The following VAV3 variants were observed in gnomAD, a reference collection of about 807,000 sequenced individuals.
VAV3 encodes vav guanine nucleotide exchange factor 3.
A neutral mutation model predicts 131.2 loss-of-function variants in VAV3; 94 were observed. That is an observed-to-expected ratio of 0.72 (90% CI 0.61 to 0.85). The LOEUF is 0.85. Among genes scored for constraint, VAV3 ranks in the 40% least tolerant of loss-of-function variants. VAV3 has a pLI of 0.00. For missense variants in VAV3, 939 were observed against 1,002.7 expected (o/e 0.94, Z 0.86); for synonymous variants, 349 against 342.0 (o/e 1.02, Z -0.22).
intron 15 of VAV3, among the ~76,000 whole-genome samples, chr1:107,737,119 T>C (rs1001806548): frequency 5.3e-5 from 8 of 152,182 alleles, no homozygotes; most frequent in Admixed American, 2.0e-4. Flanking sequence ...ATTCCCTATT[T>C]AATAAATGGT....
intron 1 of VAV3, among the ~76,000 whole-genome samples, chr1:107,946,325 G>A (rs1429256221): frequency 2.0e-5 from 3 of 152,172 alleles, no homozygotes; most frequent in Admixed American, 6.5e-5. Flanking sequence ...CCATTTTACA[G>A]ATGAGAAAAT....
chr1:107,629,824 CAAAG>C (rs1654317495), intron 20 of VAV3, among the ~76,000 whole-genome samples: 1 of 152,028 alleles, frequency 6.6e-6, no homozygotes, highest in African/African-American at 2.4e-5. Context: ...AATAGCTATT[CAAAG>C]AAAGAAAGTT....
chr1:107,685,058 A>C (rs1488674316), intron 18 of VAV3, among the ~76,000 whole-genome samples: 1 of 152,120 alleles, frequency 6.6e-6, no homozygotes, highest in Non-Finnish European at 1.5e-5. Context: ...TCAAAGTACT[A>C]GGAAGGCAAA....
intron 1 of VAV3, among the ~76,000 whole-genome samples, chr1:107,892,129 T>C (rs1243663633): frequency 6.6e-6 from 1 of 152,192 alleles, no homozygotes; most frequent in Non-Finnish European, 1.5e-5. Flanking sequence ...ATGTGATTAA[T>C]ATGTCATAAT....
At chr1:107,653,164 T>G (rs1227163464) in intron 19 of VAV3, among the ~76,000 whole-genome samples, 1 of 151,780 alleles carries the variant, frequency 6.6e-6, no homozygotes, top group African/African-American at 2.4e-5. Context: ...GAAGAGCATG[T>G]GCAATTGGTA....
intron 8 of VAV3, among the ~76,000 whole-genome samples, chr1:107,765,527 C>T (rs1664688795): frequency 6.6e-6 from 1 of 152,146 alleles, no homozygotes; most frequent in African/African-American, 2.4e-5. Flanking sequence ...AAGAGATAAA[C>T]TTTGTCTCTA....
chr1:107,931,544 A>C (rs1295925703), intron 1 of VAV3, among the ~76,000 whole-genome samples: 3 of 152,232 alleles, frequency 2.0e-5, no homozygotes, highest in Admixed American at 2.0e-4. Context: ...GTATGTTTAA[A>C]ATTTTCCAAC....
At chr1:107,952,116 T>C (rs924928175) in intron 1 of VAV3, among the ~76,000 whole-genome samples, 4 of 152,162 alleles carry the variant, frequency 2.6e-5, no homozygotes, top group Non-Finnish European at 5.9e-5. Context: ...GTGGTACATA[T>C]ACACTGTGGA....
At chr1:107,753,513 CATATATATATATACGTATATAT>C (rs1377482136) in intron 12 of VAV3, among the ~76,000 whole-genome samples, 1 of 80,626 alleles carries the variant, frequency 1.2e-5, no homozygotes, top group Admixed American at 1.2e-4. Context: ...TATATACACA[CATATATATATATACGTATATAT>C]ATATATATAT....
chr1:107,607,414 C>T lies in VAV3; in HGVS notation c.2015+2517G>A, dbSNP rs961344085. Among the ~76,000 whole-genome samples the T allele has an allele frequency of 5.3e-5, 8 of 152,276 alleles. No individual in the cohort carries two copies. The East Asian group carries it at 7.7e-4, about 15-fold the overall frequency. On this transcript the variant is annotated intron_variant, in intron 22 of 26. Coordinates refer to ENST00000370056, the MANE Select transcript of VAV3 (RefSeq NM_006113.5). Reference sequence around the variant, plus strand: ...ATGTGTATATGGGACCCAGCTGTCACAGTGCTGAAACTGAGCTACACAAGA... The same window carrying T: ...ATGTGTATATGGGACCCAGCTGTCATAGTGCTGAAACTGAGCTACACAAGA...
At chr1:107,730,101 T>C (rs1662128517) in intron 15 of VAV3, among the ~76,000 whole-genome samples, 1 of 152,200 alleles carries the variant, frequency 6.6e-6, no homozygotes, top group African/African-American at 2.4e-5. Context: ...TAGAAGAAAG[T>C]CTACTATTTT....
At chr1:107,778,114 A>C (rs564367424) in intron 3 of VAV3, among the ~76,000 whole-genome samples, 20 of 152,318 alleles carry the variant, frequency 1.3e-4, no homozygotes, top group African/African-American at 4.8e-4. Flanking sequence ...GTTTCATAAA[A>C]ACCAGAGGAT....
At position 107,772,793 on chromosome 1, in the gene VAV3, T is replaced by G. The variant is rs1665122399; in HGVS notation, c.497A>C (p.Glu166Ala). 1.9e-6 allele frequency: 3 copies of G among 1,613,844 alleles called. No homozygotes were observed. The highest frequency in any genetic ancestry group is 2.5e-6 in the Non-Finnish European group (3 of 1,179,888). The part of the protein sequence containing the change: ...EEDLYDCVYG[E>A]DEGGEVYEDL... Reference sequence around the variant, plus strand: ...CTCATAGACTTCTCCACCTTCATCTTCCCCATAAACACAGTCATAGAGATC... The same window carrying G: ...CTCATAGACTTCTCCACCTTCATCTGCCCCATAAACACAGTCATAGAGATC... The change falls in exon 5 of 27, where the codon GAA (glutamate) becomes GCA (alanine). Residue 166 changes from glutamate to alanine, a missense_variant. Transcript: ENST00000370056.
At chr1:107,809,715 T>C (rs1304442230) in intron 2 of VAV3, among the ~76,000 whole-genome samples, 1 of 152,212 alleles carries the variant, frequency 6.6e-6, no homozygotes, top group African/African-American at 2.4e-5. Context: ...CAAATTACAA[T>C]GCATTTTTGT....
chr1:107,655,308 T>C (rs956891633), intron 19 of VAV3, among the ~76,000 whole-genome samples: 1 of 152,008 alleles, frequency 6.6e-6, no homozygotes, highest in Non-Finnish European at 1.5e-5. Flanking sequence ...GAAACTCAGA[T>C]ATAAATCCAT....
intron 19 of VAV3, among the ~76,000 whole-genome samples, chr1:107,656,917 A>G (rs1656605631): frequency 7.6e-6 from 1 of 131,478 alleles, no homozygotes; most frequent in African/African-American, 2.9e-5. Flanking sequence ...ACATTTACAC[A>G]TTTCCCATTT....
At chr1:107,783,489 C>T (rs1183836640) in intron 2 of VAV3, among the ~76,000 whole-genome samples, 1 of 152,110 alleles carries the variant, frequency 6.6e-6, no homozygotes, top group Non-Finnish European at 1.5e-5. Context: ...ATGACCTGGG[C>T]TAGCTGTTAA....
chr1:107,633,640 A>G (rs1260583072), intron 20 of VAV3, among the ~76,000 whole-genome samples: 2 of 152,086 alleles, frequency 1.3e-5, no homozygotes, highest in African/African-American at 2.4e-5. Flanking sequence ...TGGGCTGGCC[A>G]TGTCTTGCTT....
intron 6 of VAV3, among the ~76,000 whole-genome samples, chr1:107,769,703 C>T (rs902829600): frequency 2.6e-5 from 4 of 152,192 alleles, no homozygotes; most frequent in African/African-American, 7.2e-5. Flanking sequence ...TTCACTTGTT[C>T]CAACAGACTC....
Sources: gnomAD v4.1 joint callset for allele counts (sites outside exome capture counted in the v4.1 genomes callset) on GRCh38, gnomAD v4.1.1 for gene constraint, MANE v1.5 for transcripts, NCBI Gene and HGNC (gene_info 2026-07-23, HGNC 2026-07-21) for gene names.